The following INTS12 variants were observed in gnomAD, a reference collection of about 807,000 sequenced individuals.
INTS12 encodes integrator complex subunit 12.
INTS12 carries 13 observed loss-of-function variants against 41.6 expected under a neutral mutation model. The ratio of observed to expected loss-of-function variants is 0.31; its 90% CI spans 0.20 to 0.50. The LOEUF (loss-of-function observed/expected upper bound fraction) is 0.50, where lower values mean the gene tolerates loss of function less well. INTS12 is among the 20% of genes least tolerant of loss of function. The pLI is 0.98. For missense variants in INTS12, 432 were observed against 541.6 expected (o/e 0.80, Z 2.01); for synonymous variants, 199 against 191.4 (o/e 1.04, Z -0.33).
intron 6 of INTS12, among the ~76,000 whole-genome samples, chr4:105,691,605 A>G (rs936625168): frequency 2.0e-5 from 3 of 152,214 alleles, no homozygotes; most frequent in East Asian, 1.9e-4. Flanking sequence ...GAAATTTTCT[A>G]TATTTCCTTA....
chr4:105,694,534 C>A (rs887400513), intron 4 of INTS12, among the ~76,000 whole-genome samples: 8 of 152,110 alleles, frequency 5.3e-5, no homozygotes, highest in Non-Finnish European at 1.0e-4. Context: ...CCATGTTGGC[C>A]AGGGTGGCCA....
intron 6 of INTS12, among the ~76,000 whole-genome samples, chr4:105,688,436 G>A (rs1354490912): frequency 1.3e-5 from 2 of 152,040 alleles, no homozygotes; most frequent in Non-Finnish European, 2.9e-5. Context: ...ATCTCAATTC[G>A]TATCACTTTT....
At chr4:105,686,954 T>A in intron 6 of INTS12, 116 bp from the exon 7 acceptor site, 1 of 848,454 alleles carries the variant, frequency 1.2e-6, no homozygotes, top group Non-Finnish European at 1.9e-6. Flanking sequence ...TTTTAAAAAA[T>A]AGTGTGATGA....
At position 105,693,447 on chromosome 4, in the gene INTS12, T is replaced by G. The variant is rs1394404752; in HGVS notation, c.349A>C (p.Lys117Gln). ...GTTTCTGGTTTCTCCAATCTAGGTT[T>G]CTTTGGAATATCAACTCCTTCAGTG... ...DITEGVDIPK[K>Q]PRLEKPETQS... The change falls in exon 5 of 8, where the codon AAA becomes CAA. Residue 117 changes from lysine to glutamine, a missense_variant. Transcript: ENST00000340139. The G allele has an allele frequency of 9.9e-6, 16 of 1,613,460 alleles. No homozygotes were observed. The highest frequency in any genetic ancestry group is 1.2e-5 in the Non-Finnish European group (14 of 1,179,602).
rs1269654926 is a variant in INTS12, at chr4:105,693,416, G to A, written c.380C>T (p.Ser127Leu). 4.3e-6 allele frequency: 7 copies of A among 1,613,036 alleles called. No individual in the cohort carries two copies. Among genetic ancestry groups the A allele is most frequent in the Non-Finnish European group, 5.9e-6 (7 of 1,179,152 alleles). The change falls in exon 5 of 8, where the codon TCA becomes TTA. Residue 127 changes from serine to leucine, a missense_variant. Transcript: ENST00000340139. Reference sequence around the variant, plus strand: ...GCTACTTTGGACAGTAATGGGAGATGACTGTGTTTCTGGTTTCTCCAATCT... The same window carrying A: ...GCTACTTTGGACAGTAATGGGAGATAACTGTGTTTCTGGTTTCTCCAATCT... ...KPRLEKPETQSSPITVQSSKD... is the reference protein window; with the variant it reads ...KPRLEKPETQLSPITVQSSKD...
In INTS12 at chr4:105,693,404, G is replaced by A; in HGVS notation, c.392C>T (p.Thr131Ile). 1.2e-6 allele frequency: 2 copies of A among 1,613,908 alleles called. No individual in the cohort carries two copies. Among genetic ancestry groups the A allele is most frequent in the Non-Finnish European group, 8.5e-7 (1 of 1,179,816 alleles). The change falls in exon 5 of 8, where the codon ACT (threonine) becomes ATT (isoleucine). Residue 131 changes from threonine to isoleucine, a missense_variant. By Grantham distance (89) the Thr-to-Ile change is moderately conservative (BLOSUM62 -1). Coordinates refer to ENST00000340139, the MANE Select transcript of INTS12 (RefSeq NM_020395.4). ...EKPETQSSPI[T>I]VQSSKDLPMA... Reference sequence around the variant, plus strand: ...AGGTAAATCCTTGCTACTTTGGACAGTAATGGGAGATGACTGTGTTTCTGG... The same window carrying A: ...AGGTAAATCCTTGCTACTTTGGACAATAATGGGAGATGACTGTGTTTCTGG...
Position 105,683,219 on chromosome 4 carries a change from G to A in INTS12, c.903C>T (p.Ser301=). The change falls in exon 8 of 8, where the codon TCC becomes TCT. Residue 301 remains serine (S), a synonymous_variant. Transcript: ENST00000340139. ...ATTTTGCTGTTGAAGGACCAGCAGA[G>A]GAAGTTTTGGCTGCAAAAGCTGCCC... The part of the protein sequence containing the change: ...TGWAAFAAKT[S]SAGPSTAKLS... 6.2e-7 allele frequency: 1 copy of A among 1,614,074 alleles called. No homozygotes were observed. Among genetic ancestry groups the A allele is most frequent in the East Asian group, 2.2e-5 (1 of 44,882 alleles).
intron 7 of INTS12, among the ~76,000 whole-genome samples, chr4:105,684,573 TAAGAG>T (rs1159581750): frequency 6.6e-6 from 1 of 152,112 alleles, no homozygotes; most frequent in Non-Finnish European, 1.5e-5. Context: ...ATTCGATTTA[TAAGAG>T]AAGGAATCCA....
At position 105,691,958 on chromosome 4, in the gene INTS12, G is replaced by T. The variant is rs1731703598; in HGVS notation, c.657+18C>A. Reference sequence around the variant, plus strand: ...ACATTGACAGACTGTTTAAAATAAAGAAAAATATGATTCCTACCATTCTTT... The same window carrying T: ...ACATTGACAGACTGTTTAAAATAAATAAAAATATGATTCCTACCATTCTTT... On this transcript the variant is annotated intron_variant, in intron 6 of 7. Transcript: ENST00000340139. The T allele has an allele frequency of 4.0e-6, 6 of 1,492,848 alleles. No homozygotes were observed. The South Asian group carries it at 4.2e-5, about 10-fold the overall frequency. 92.5% of individuals were successfully genotyped at this position (1,492,848 alleles called of 1,614,324 possible). A position where few individuals can be genotyped will look rare whatever the true frequency, so the allele number is the denominator to read the frequency against.
At chr4:105,697,839 C>T (rs1042852649) in intron 3 of INTS12, among the ~76,000 whole-genome samples, 7 of 152,088 alleles carry the variant, frequency 4.6e-5, no homozygotes, top group African/African-American at 1.7e-4. Context: ...CACTTGAGTC[C>T]AGGAGTTTGA....
intron 1 of INTS12, among the ~76,000 whole-genome samples, chr4:105,704,850 C>A (rs372298044): frequency 6.6e-6 from 1 of 152,234 alleles, no homozygotes; most frequent in South Asian, 2.1e-4. Flanking sequence ...CTTAAACATA[C>A]CTCAAATCTA....
chr4:105,699,291 T>C (rs1731976061), intron 3 of INTS12, among the ~76,000 whole-genome samples: 1 of 152,190 alleles, frequency 6.6e-6, no homozygotes, highest in Non-Finnish European at 1.5e-5. Flanking sequence ...CATCACACAA[T>C]TATAAGATTT....
chr4:105,694,176 A>G (rs1731780689), intron 4 of INTS12, among the ~76,000 whole-genome samples: 1 of 152,176 alleles, frequency 6.6e-6, no homozygotes, highest in Admixed American at 6.5e-5. Flanking sequence ...TTCCCCTATG[A>G]TAAATCAGTA....
chr4:105,695,667 T>A lies in INTS12; in HGVS notation c.158A>T (p.Asp53Val), dbSNP rs759316232. 6.2e-7 allele frequency: 1 copy of A among 1,608,876 alleles called. No homozygotes were observed. The change falls in exon 4 of 8, where the codon GAT becomes GTT. Residue 53 changes from aspartate (D) to valine (V), a missense_variant and splice_region_variant. Physicochemically the swap from Asp to Val is radical, Grantham distance 152. This residue lies in a region of INTS12 where 168 missense variants were observed against 198.9 expected (regional missense o/e 0.84). Transcript: ENST00000340139. ...IDSSYRPSQK[D>V]VEPPKISSTK... ...GCTTGAAATTTTGGGTGGCTCCACA[T>A]CCTAAAAGATGAAAAAAGGTACCAG... is the stretch of plus-strand genomic sequence containing the variant.
chr4:105,691,978 T>C lies in INTS12; in HGVS notation c.655A>G (p.Met219Val). The C allele has an allele frequency of 6.5e-7, 1 of 1,531,872 alleles. No individual in the cohort carries two copies. The highest frequency in any genetic ancestry group is 1.3e-5 in the South Asian group (1 of 79,388). 94.9% of individuals were successfully genotyped at this position (1,531,872 alleles called of 1,614,324 possible). The change falls in exon 6 of 8, where the codon ATG becomes GTG. Residue 219 changes from methionine to valine, a missense_variant and splice_region_variant. Physicochemically the swap from Met to Val is conservative, Grantham distance 21 (BLOSUM62 1). Transcript: ENST00000340139. ...CARCTRQMKR[M>V]AQKTQKPPQK... is the part of the protein sequence containing the mutation. ...ATAAAGAAAAATATGATTCCTACCA[T>C]TCTTTTCATTTGTCTGGTACATCGG...
In INTS12 at chr4:105,708,658, A is replaced by C. The variant is rs1184365963; in HGVS notation, c.-192T>G. The stretch of plus-strand genomic sequence containing the variant: ...CTCACCGTTCCGCCCCGCCCTGCCG[A>C]TCCGTCTGTTCCCGGTGGTCCCTTC... On this transcript the variant is annotated 5_prime_UTR_variant, in exon 1 of 8. Transcript: ENST00000340139. The C allele has an allele frequency of 1.0e-6, 1 of 953,980 alleles. No individual in the cohort carries two copies. The highest frequency in any genetic ancestry group is 1.8e-5 in the African/African-American group (1 of 56,252). 59.1% of individuals were successfully genotyped at this position (953,980 alleles called of 1,614,324 possible).
chr4:105,690,537 C>T (rs1272670597), intron 6 of INTS12, among the ~76,000 whole-genome samples: 1 of 151,656 alleles, frequency 6.6e-6, no homozygotes, highest in African/African-American at 2.4e-5. Flanking sequence ...TTTTCTAATT[C>T]AGGCAATTGC....
intron 6 of INTS12, among the ~76,000 whole-genome samples, chr4:105,690,841 A>G (rs1420222464): frequency 6.6e-6 from 1 of 152,172 alleles, no homozygotes; most frequent in Non-Finnish European, 1.5e-5. Context: ...TCCAATTCTT[A>G]GTGGTTTCTT....
intron 6 of INTS12, among the ~76,000 whole-genome samples, chr4:105,690,279 A>G (rs1363744748): frequency 1.3e-5 from 2 of 152,234 alleles, no homozygotes; most frequent in Admixed American, 6.5e-5. Context: ...ATCTCATTAT[A>G]TAAGTAATTG....
Sources: gnomAD v4.1 joint callset for allele counts (sites outside exome capture counted in the v4.1 genomes callset) on GRCh38, gnomAD v4.1.1 for gene constraint, gnomAD v4.1.1 regional missense constraint, MANE v1.5 for transcripts, NCBI Gene and HGNC (gene_info 2026-07-23, HGNC 2026-07-21) for gene names.